The following EIF3H variants were observed in gnomAD, a reference collection of about 807,000 sequenced individuals.
EIF3H encodes eukaryotic translation initiation factor 3 subunit H.
Under a neutral mutation model 44.2 loss-of-function variants are expected in EIF3H, and 26 were observed. That is an observed-to-expected ratio of 0.59 (90% CI 0.43 to 0.82). EIF3H has a LOEUF of 0.82. EIF3H is among the 40% of genes least tolerant of loss of function. The pLI is 0.00. For synonymous variants in EIF3H, 166 were observed against 151.9 expected (o/e 1.09, Z -0.68); for missense variants, 359 against 432.8 (o/e 0.83, Z 1.51).
chr8:116,660,673 A>C (rs1813571329), intron 2 of EIF3H, among the ~76,000 whole-genome samples: 1 of 152,236 alleles, frequency 6.6e-6, no homozygotes, highest in African/African-American at 2.4e-5. Flanking sequence ...TGTACAGTTT[A>C]AGTGCCTGTT....
chr8:116,743,797 TAAACAC>T (rs1200072217), intron 1 of EIF3H, among the ~76,000 whole-genome samples: 14 of 33,058 alleles, frequency 4.2e-4, no homozygotes, highest in East Asian at 2.3e-3. Flanking sequence ...TATATATATA[TAAACAC>T]ACACACACAC....
intron 2 of EIF3H, among the ~76,000 whole-genome samples, chr8:116,660,598 T>C (rs919805570): frequency 2.0e-5 from 3 of 152,208 alleles, no homozygotes; most frequent in African/African-American, 7.2e-5. Context: ...TGCCACTATC[T>C]GAAGAGACTT....
intron 2 of EIF3H, among the ~76,000 whole-genome samples, chr8:116,667,700 AC>A (rs1813692519): frequency 6.6e-6 from 1 of 152,182 alleles, no homozygotes; most frequent in Admixed American, 6.5e-5. Context: ...ATAATAAATG[AC>A]CCACAGAATC....
At position 116,650,003 on chromosome 8, in the gene EIF3H, G is replaced by A. The variant is rs1813362586; in HGVS notation, c.708-1077C>T. Reference sequence around the variant, plus strand: ...GAGGCCTGGCATGGCTAGAGCACAGGGATTAGGTCAGGCAGACCAGACAAG... The same window carrying A: ...GAGGCCTGGCATGGCTAGAGCACAGAGATTAGGTCAGGCAGACCAGACAAG... On this transcript the variant is annotated intron_variant, in intron 5 of 7. Coordinates refer to ENST00000521861, the MANE Select transcript of EIF3H (RefSeq NM_003756.3). Among the ~76,000 whole-genome samples, 4 of 152,256 alleles carry A rather than the reference G, an allele frequency of 2.6e-5. No individual in the cohort carries two copies. In the South Asian group the frequency reaches 8.3e-4, roughly 32 times the overall value.
chr8:116,737,199 C>T (rs1815056730), intron 1 of EIF3H: 1 of 426,674 alleles, frequency 2.3e-6, no homozygotes, highest in African/African-American at 2.1e-5. Flanking sequence ...AACATTCAAA[C>T]CTGAAGGACA....
chr8:116,691,614 C>T (rs766836419), intron 2 of EIF3H, among the ~76,000 whole-genome samples: 1 of 151,770 alleles, frequency 6.6e-6, no homozygotes, highest in Non-Finnish European at 1.5e-5. Context: ...ATGGTTCACA[C>T]CTGTAATCCC....
intron 2 of EIF3H, 23 bp from the exon 3 acceptor site, chr8:116,659,003 T>A (rs1468103934): frequency 2.6e-6 from 4 of 1,564,736 alleles, no homozygotes; most frequent in Admixed American, 4.0e-5. Flanking sequence ...GAAGAGGAAA[T>A]TAAAAGAAAA....
At chr8:116,649,018 G>T in intron 5 of EIF3H, 92 bp from the exon 6 acceptor site, 1 of 1,159,668 alleles carries the variant, frequency 8.6e-7, no homozygotes, top group Non-Finnish European at 1.2e-6. Context: ...ACTTGAACTG[G>T]CTTTTGCTAA....
intron 2 of EIF3H, among the ~76,000 whole-genome samples, chr8:116,675,387 G>A (rs1813832492): frequency 6.6e-6 from 1 of 152,056 alleles, no homozygotes; most frequent in Admixed American, 6.5e-5. Context: ...TGACATTTTG[G>A]GTAGGCTAAT....
At chr8:116,751,480 G>T (rs1345015220) in intron 1 of EIF3H, among the ~76,000 whole-genome samples, 1 of 152,122 alleles carries the variant, frequency 6.6e-6, no homozygotes, top group Non-Finnish European at 1.5e-5. Flanking sequence ...AAACAAACAA[G>T]ATAGTTACAG....
chr8:116,750,177 T>C (rs1389184124), intron 1 of EIF3H, among the ~76,000 whole-genome samples: 1 of 152,288 alleles, frequency 6.6e-6, no homozygotes, highest in Non-Finnish European at 1.5e-5. Flanking sequence ...TCAATAAATA[T>C]TTGTTAAATG....
At chr8:116,697,784 A>G (rs907619522) in intron 2 of EIF3H, among the ~76,000 whole-genome samples, 2 of 152,246 alleles carry the variant, frequency 1.3e-5, no homozygotes, top group Non-Finnish European at 2.9e-5. Context: ...AATGCAAATT[A>G]GTCTACTGAA....
intron 1 of EIF3H, among the ~76,000 whole-genome samples, chr8:116,752,456 T>C (rs939424579): frequency 1.3e-5 from 2 of 151,918 alleles, no homozygotes; most frequent in Non-Finnish European, 2.9e-5. Context: ...TACCTCGGAA[T>C]TTCATTCTCA....
At chr8:116,685,879 CAGG>C (rs1402015718) in intron 2 of EIF3H, among the ~76,000 whole-genome samples, 2 of 152,174 alleles carry the variant, frequency 1.3e-5, no homozygotes, top group African/African-American at 2.4e-5. Context: ...ATCTGCACAG[CAGG>C]AGAAGAACCT....
intron 5 of EIF3H, 149 bp downstream of exon 5, chr8:116,655,707 C>T: frequency 1.3e-6 from 1 of 790,852 alleles, no homozygotes; most frequent in Non-Finnish European, 2.0e-6. Context: ...CCTAACAGGG[C>T]CAGACTATTA....
chr8:116,731,464 G>C (rs867749771), intron 1 of EIF3H, among the ~76,000 whole-genome samples: 4 of 152,016 alleles, frequency 2.6e-5, no homozygotes, highest in African/African-American at 9.7e-5. Flanking sequence ...TTGTTTTGTT[G>C]TAACTCCTCA....
chr8:116,668,343 G>A (rs1434111291), intron 2 of EIF3H, among the ~76,000 whole-genome samples: 3 of 152,120 alleles, frequency 2.0e-5, no homozygotes, highest in Non-Finnish European at 2.9e-5. Flanking sequence ...AAATGGTAAC[G>A]GAATTGTTCT....
chr8:116,671,678 A>G (rs917092068), intron 2 of EIF3H, among the ~76,000 whole-genome samples: 10 of 152,244 alleles, frequency 6.6e-5, no homozygotes, highest in Non-Finnish European at 1.0e-4. Flanking sequence ...AGGAGCAGAC[A>G]GGGCACACAG....
intron 2 of EIF3H, among the ~76,000 whole-genome samples, chr8:116,723,045 G>A (rs377452222): frequency 3.0e-4 from 46 of 152,048 alleles, no homozygotes; most frequent in African/African-American, 9.2e-4. Context: ...TGTTTCGTTC[G>A]CCTACCATAA....
Sources: gnomAD v4.1 joint callset for allele counts (sites outside exome capture counted in the v4.1 genomes callset) on GRCh38, gnomAD v4.1.1 for gene constraint, MANE v1.5 for transcripts, NCBI Gene and HGNC (gene_info 2026-07-23, HGNC 2026-07-21) for gene names.